Variants in ST7 observed in about 807,000 individuals in gnomAD.
ST7 encodes suppression of tumorigenicity 7.
In ST7, 28 loss-of-function variants were observed where a neutral mutation model predicts 78.7. The observed-to-expected ratio is 0.36, with a 90% CI of 0.26 to 0.49. The LOEUF is 0.49. Among genes scored for constraint, ST7 ranks in the 20% least tolerant of loss-of-function variants. The pLI is 0.99. For synonymous variants in ST7, 247 were observed against 249.6 expected, an observed-to-expected ratio of 0.99 and a Z score of 0.10; for missense variants, 418 against 696.0, an observed-to-expected ratio of 0.60 and a Z score of 4.49.
chr7:117,005,783 C>T (rs1795130436), intron 1 of ST7, among the ~76,000 whole-genome samples: 1 of 152,020 alleles, frequency 6.6e-6, no homozygotes, highest in African/African-American at 2.4e-5. Flanking sequence ...GATAGAGTAC[C>T]ATGTAAAAGA....
At chr7:117,215,272 C>T (rs545807109) in intron 13 of ST7, among the ~76,000 whole-genome samples, 31 of 152,196 alleles carry the variant, frequency 2.0e-4, no homozygotes, top group African/African-American at 7.0e-4. Context: ...AGATGGCCTT[C>T]GTGGCTGGTT....
At chr7:117,164,119 C>T (rs567574915) in intron 9 of ST7, among the ~76,000 whole-genome samples, 1 of 152,266 alleles carries the variant, frequency 6.6e-6, no homozygotes, top group African/African-American at 2.4e-5. Flanking sequence ...GTAACCCAAA[C>T]TGCATGGTAC....
chr7:117,136,365 T>C, intron 8 of ST7, 130 bp downstream of exon 8: 1 of 1,144,126 alleles, frequency 8.7e-7, no homozygotes, highest in Non-Finnish European at 1.3e-6. Flanking sequence ...TGCTTTGTTT[T>C]TATTAATTTT....
intron 2 of ST7, among the ~76,000 whole-genome samples, chr7:117,116,951 G>A (rs1220429099): frequency 6.6e-6 from 1 of 152,166 alleles, no homozygotes; most frequent in East Asian, 1.9e-4. Flanking sequence ...AAAGCACAGA[G>A]GGACAGTGTC....
intron 12 of ST7, among the ~76,000 whole-genome samples, chr7:117,200,865 T>C (rs1810779701): frequency 6.6e-6 from 1 of 150,754 alleles, no homozygotes; most frequent in Admixed American, 6.6e-5. Context: ...CTAATGTTAA[T>C]CTAGAAACTC....
At chr7:117,068,682 G>A (rs1798763745) in intron 1 of ST7, among the ~76,000 whole-genome samples, 2 of 152,140 alleles carry the variant, frequency 1.3e-5, no homozygotes, top group Admixed American at 1.3e-4. Context: ...CAGCTGACGT[G>A]GTGTGCCAGC....
At chr7:117,161,664 G>A (rs1233044321) in intron 9 of ST7, among the ~76,000 whole-genome samples, 1 of 141,174 alleles carries the variant, frequency 7.1e-6, no homozygotes, top group Non-Finnish European at 1.5e-5. Flanking sequence ...CAATGACGCA[G>A]TCTTGGCTCA....
chr7:116,966,560 T>C (rs1335652358), intron 1 of ST7, among the ~76,000 whole-genome samples: 1 of 152,186 alleles, frequency 6.6e-6, no homozygotes, highest in Non-Finnish European at 1.5e-5. Flanking sequence ...CGATAATATA[T>C]GTTGCATTTC....
intron 9 of ST7, among the ~76,000 whole-genome samples, chr7:117,142,600 T>C (rs889893975): frequency 7.3e-5 from 11 of 151,644 alleles, no homozygotes; most frequent in Non-Finnish European, 1.0e-4. Flanking sequence ...AGGGCTGACA[T>C]TGGGTGTTTT....
In ST7 at chr7:117,056,527, C is replaced by T. The variant is rs139490802; in HGVS notation, c.152-43235C>T. Among the ~76,000 whole-genome samples the T allele has an allele frequency of 6.4e-3, 972 of 152,048 alleles. 5 individuals carry two copies. The highest frequency in any genetic ancestry group is 0.018 in the African/African-American group (745 of 41,484). ...GCACATGCCTGTAATCACAGCTACT[C>T]GGGAGCCTGAGGCAGGAGAATCACT... On this transcript the variant is annotated intron_variant, in intron 1 of 15. Transcript: ENST00000323984.
intron 1 of ST7, chr7:116,955,023 G>C: frequency 2.3e-6 from 1 of 439,504 alleles, no homozygotes; most frequent in East Asian, 7.1e-5. Flanking sequence ...CAGCACTCTA[G>C]AATTGTCTCA....
At chr7:117,023,400 T>G in intron 1 of ST7, among the ~76,000 whole-genome samples, 1 of 152,180 alleles carries the variant, frequency 6.6e-6, no homozygotes, top group East Asian at 1.9e-4. Flanking sequence ...CATCAATATC[T>G]CCAATGATAC....
chr7:117,136,599 T>C (rs1045734460), intron 8 of ST7: 1 of 426,596 alleles, frequency 2.3e-6, no homozygotes, highest in Non-Finnish European at 4.2e-6. Context: ...AAATTAGCCA[T>C]AGTGTTAGCA....
At chr7:117,019,237 C>A (rs1175111257) in intron 1 of ST7, among the ~76,000 whole-genome samples, 1 of 152,110 alleles carries the variant, frequency 6.6e-6, no homozygotes, top group African/African-American at 2.4e-5. Context: ...TATATATTTA[C>A]TTTTTGTGCA....
chr7:117,108,343 G>A (rs1051179954), intron 2 of ST7, among the ~76,000 whole-genome samples: 1 of 152,096 alleles, frequency 6.6e-6, no homozygotes, highest in African/African-American at 2.4e-5. Flanking sequence ...TTGTTGAATA[G>A]GGTGTCTTTT....
At chr7:117,180,618 C>G (rs1808678961) in intron 10 of ST7, among the ~76,000 whole-genome samples, 1 of 152,102 alleles carries the variant, frequency 6.6e-6, no homozygotes, top group Admixed American at 6.5e-5. Flanking sequence ...CTGAAACAAA[C>G]AAAAGTAACA....
chr7:117,089,503 A>T (rs1355962760), intron 1 of ST7, among the ~76,000 whole-genome samples: 3 of 151,692 alleles, frequency 2.0e-5, no homozygotes, highest in Non-Finnish European at 4.4e-5. Flanking sequence ...ACAAAAAAAA[A>T]CCTGTGCGGG....
At chr7:117,103,282 C>G (rs899616673) in intron 2 of ST7, among the ~76,000 whole-genome samples, 1 of 151,928 alleles carries the variant, frequency 6.6e-6, no homozygotes, top group African/African-American at 2.4e-5. Flanking sequence ...CACAGAAGAC[C>G]CTGAATAGCC....
At chr7:117,228,948 G>A (rs1330927888) in intron 15 of ST7, among the ~76,000 whole-genome samples, 1 of 152,196 alleles carries the variant, frequency 6.6e-6, no homozygotes, top group Non-Finnish European at 1.5e-5. Flanking sequence ...GACTGGGATA[G>A]GGCACCTCTT....
Sources: gnomAD v4.1 joint callset for allele counts (sites outside exome capture counted in the v4.1 genomes callset) on GRCh38, gnomAD v4.1.1 for gene constraint, MANE v1.5 for transcripts, NCBI Gene and HGNC (gene_info 2026-07-23, HGNC 2026-07-21) for gene names.